The following DLGAP2 variants were observed in gnomAD, a reference collection of about 807,000 sequenced individuals.
The protein encoded by DLGAP2 is disks large-associated protein 2.
In DLGAP2, 26 loss-of-function variants were observed where a neutral mutation model predicts 100.3. The observed-to-expected ratio is 0.26, with a 90% CI of 0.19 to 0.36. DLGAP2 has a LOEUF of 0.36. DLGAP2 is among the 10% of genes least tolerant of loss of function. DLGAP2 has a pLI of 1.00. For missense variants in DLGAP2, 1,858 were observed against 1,453.2 expected, an observed-to-expected ratio of 1.28 and a Z score of -4.53; for synonymous variants, 886 against 630.1, an observed-to-expected ratio of 1.41 and a Z score of -6.08.
intron 3 of DLGAP2, among the ~76,000 whole-genome samples, chr8:1,364,167 A>G (rs1585302084): frequency 6.6e-6 from 1 of 152,074 alleles, no homozygotes; most frequent in Non-Finnish European, 1.5e-5. Flanking sequence ...ACTGGATGAC[A>G]TGTTGCATCG....
intron 2 of DLGAP2, among the ~76,000 whole-genome samples, chr8:1,073,848 G>T (rs1803508195): frequency 6.6e-6 from 1 of 152,250 alleles, no homozygotes; most frequent in Non-Finnish European, 1.5e-5. Flanking sequence ...GAGTCCAGGG[G>T]AGTAAGTTCT....
chr8:1,596,482 C>T (rs924293910), intron 6 of DLGAP2, among the ~76,000 whole-genome samples: 1 of 152,162 alleles, frequency 6.6e-6, no homozygotes, highest in Admixed American at 6.5e-5. Context: ...AACTTATACT[C>T]CCACCAACAG....
At chr8:1,331,083 A>C (rs779127721) in intron 3 of DLGAP2, among the ~76,000 whole-genome samples, 1 of 152,174 alleles carries the variant, frequency 6.6e-6, no homozygotes, top group Non-Finnish European at 1.5e-5. Context: ...GGCTGCTCCT[A>C]GCTGGCTTAG....
intron 2 of DLGAP2, among the ~76,000 whole-genome samples, chr8:960,619 G>A (rs1408970693): frequency 1.3e-5 from 2 of 152,132 alleles, no homozygotes; most frequent in African/African-American, 2.4e-5. Context: ...TTCATACAAA[G>A]ACCGTTAATT....
intron 3 of DLGAP2, among the ~76,000 whole-genome samples, chr8:1,489,357 G>A (rs555691070): frequency 3.9e-5 from 6 of 152,312 alleles, no homozygotes; most frequent in East Asian, 1.9e-4. Flanking sequence ...GTGGATGAGC[G>A]AGGGACTGTT....
intron 3 of DLGAP2, among the ~76,000 whole-genome samples, chr8:1,316,222 A>T (rs71516175): frequency 8.8e-6 from 1 of 113,404 alleles, no homozygotes; most frequent in Non-Finnish European, 1.9e-5. Context: ...GCGTCTCTCC[A>T]ACAGTGGTCT....
At chr8:1,619,614 G>A (rs1797263733) in intron 6 of DLGAP2, 1 of 152,194 alleles carries the variant, frequency 6.6e-6, no homozygotes, top group Non-Finnish European at 1.5e-5. Context: ...TACAGGTCTT[G>A]CAAGGACAAG....
chr8:1,202,041 A>G (rs1408997113), intron 2 of DLGAP2, among the ~76,000 whole-genome samples: 1 of 138,358 alleles, frequency 7.2e-6, no homozygotes, highest in Non-Finnish European at 1.6e-5. Context: ...GCACATGTGC[A>G]GTATCTATCT....
At chr8:1,423,392 C>T (rs1437712251) in intron 3 of DLGAP2, among the ~76,000 whole-genome samples, 1 of 152,186 alleles carries the variant, frequency 6.6e-6, no homozygotes, top group South Asian at 2.1e-4. Flanking sequence ...GGGGTCTGGA[C>T]TGGAGTTTGC....
intron 2 of DLGAP2, among the ~76,000 whole-genome samples, chr8:1,177,136 A>C (rs147942411): frequency 1.9e-3 from 282 of 152,298 alleles, no homozygotes; most frequent in African/African-American, 6.3e-3. Flanking sequence ...CCAGCCTTCG[A>C]GTGGACGCAC....
chr8:1,236,293 G>C (rs1397815883), intron 2 of DLGAP2, among the ~76,000 whole-genome samples: 769 of 44,240 alleles, frequency 0.017, no homozygotes, highest in South Asian at 0.023. Flanking sequence ...ACATGGCGCC[G>C]TGTCTAGTTC....
chr8:1,513,858 C>T (rs758281155), intron 4 of DLGAP2, among the ~76,000 whole-genome samples: 15 of 87,516 alleles, frequency 1.7e-4, no homozygotes, highest in Non-Finnish European at 2.9e-4. Flanking sequence ...CAGACAATGG[C>T]GGTCGAACCT....
chr8:885,077 C>T (rs1797896892), intron 1 of DLGAP2, among the ~76,000 whole-genome samples: 1 of 152,146 alleles, frequency 6.6e-6, no homozygotes, highest in Non-Finnish European at 1.5e-5. Context: ...ATGCCACCAG[C>T]TTTCTTCTTT....
intron 3 of DLGAP2, among the ~76,000 whole-genome samples, chr8:1,500,722 T>G (rs975870600): frequency 6.6e-6 from 1 of 152,268 alleles, no homozygotes; most frequent in Non-Finnish European, 1.5e-5. Context: ...AGCCACATGC[T>G]GATGTCATTC....
At chr8:1,477,620 T>C (rs1002972314) in intron 3 of DLGAP2, among the ~76,000 whole-genome samples, 1 of 152,202 alleles carries the variant, frequency 6.6e-6, no homozygotes, top group Non-Finnish European at 1.5e-5. Flanking sequence ...TCTGTGGCCA[T>C]GATAAACAGC....
intron 6 of DLGAP2, among the ~76,000 whole-genome samples, chr8:1,598,577 C>T (rs1417282323): frequency 1.3e-5 from 2 of 152,096 alleles, no homozygotes; most frequent in African/African-American, 4.8e-5. Flanking sequence ...TTGACTTATT[C>T]CTCATTTAGT....
intron 4 of DLGAP2, among the ~76,000 whole-genome samples, chr8:1,512,968 A>G (rs1800224860): frequency 6.6e-6 from 1 of 152,254 alleles, no homozygotes; most frequent in South Asian, 2.1e-4. Flanking sequence ...GAGAGGCCAC[A>G]GGCCAGGCCC....
intron 5 of DLGAP2, among the ~76,000 whole-genome samples, chr8:1,563,250 G>T (rs1264391020): frequency 5.9e-5 from 3 of 50,658 alleles, no homozygotes; most frequent in Admixed American, 2.6e-4. Flanking sequence ...CGTTACTGGG[G>T]GACTGTGTGG....
chr8:892,670 A>G (rs1002242520), intron 1 of DLGAP2, among the ~76,000 whole-genome samples: 1 of 152,188 alleles, frequency 6.6e-6, no homozygotes, highest in Non-Finnish European at 1.5e-5. Flanking sequence ...TGCTGGAAGC[A>G]CAGTTCCGTT....
Sources: gnomAD v4.1 joint callset for allele counts (sites outside exome capture counted in the v4.1 genomes callset) on GRCh38, gnomAD v4.1.1 for gene constraint, MANE v1.5 for transcripts, NCBI Gene and HGNC (gene_info 2026-07-23, HGNC 2026-07-21) for gene names.